The following MGAT4C variants were observed in gnomAD, a reference collection of about 807,000 sequenced individuals.
MGAT4C encodes the protein MGAT4 family member C.
A neutral mutation model predicts 40.1 loss-of-function variants in MGAT4C; 19 were observed. That is an observed-to-expected ratio of 0.47 (90% CI 0.33 to 0.70). The LOEUF (loss-of-function observed/expected upper bound fraction) is 0.70. MGAT4C is among the 30% of genes least tolerant of loss of function. MGAT4C has a pLI of 0.02. For synonymous variants in MGAT4C, 181 were observed against 187.1 expected, an observed-to-expected ratio of 0.97 and a Z score of 0.27; for missense variants, 491 against 563.2, an observed-to-expected ratio of 0.87 and a Z score of 1.30.
intron 1 of MGAT4C, among the ~76,000 whole-genome samples, chr12:86,781,130 A>G (rs1951833324): frequency 1.3e-5 from 2 of 151,952 alleles, no homozygotes; most frequent in African/African-American, 2.4e-5. Flanking sequence ...CAAGCACAAG[A>G]TTTTTTTTAT....
At chr12:86,150,898 C>T (rs1238099853) in intron 1 of MGAT4C, among the ~76,000 whole-genome samples, 2 of 152,186 alleles carry the variant, frequency 1.3e-5, no homozygotes, top group African/African-American at 2.4e-5. Context: ...TGTAACAATG[C>T]ATGATAAGTG....
intron 2 of MGAT4C, among the ~76,000 whole-genome samples, chr12:86,510,346 A>G (rs1565815412): frequency 6.6e-6 from 1 of 152,138 alleles, no homozygotes; most frequent in Non-Finnish European, 1.5e-5. Context: ...GGAAGCACTA[A>G]ACATGGAAAG....
intron 1 of MGAT4C, among the ~76,000 whole-genome samples, chr12:86,187,829 A>T (rs1229102642): frequency 6.6e-6 from 1 of 151,926 alleles, no homozygotes; most frequent in Non-Finnish European, 1.5e-5. Flanking sequence ...GGTGCGCTTC[A>T]CTAAAAATAT....
At chr12:86,824,109 C>T (rs1952756665) in intron 1 of MGAT4C, among the ~76,000 whole-genome samples, 1 of 151,394 alleles carries the variant, frequency 6.6e-6, no homozygotes, top group Admixed American at 6.6e-5. Flanking sequence ...GTACCTATGC[C>T]TACCTGCCCA....
chr12:86,028,354 G>A (rs1407230164), intron 2 of MGAT4C: 2 of 353,666 alleles, frequency 5.7e-6, no homozygotes, highest in African/African-American at 2.1e-5. Context: ...GGCAAGTGAT[G>A]CTGTCACTAT....
At chr12:86,314,185 A>G (rs1378437159) in intron 4 of MGAT4C, among the ~76,000 whole-genome samples, 2 of 152,184 alleles carry the variant, frequency 1.3e-5, no homozygotes, top group African/African-American at 4.8e-5. Context: ...AAAGCTTAGC[A>G]CAATGTAATG....
chr12:86,005,136 T>G (rs1457338531), intron 2 of MGAT4C, among the ~76,000 whole-genome samples: 1 of 152,150 alleles, frequency 6.6e-6, no homozygotes, highest in East Asian at 1.9e-4. Flanking sequence ...CTGCCTTGTG[T>G]CTCCTTGCCA....
intron 1 of MGAT4C, among the ~76,000 whole-genome samples, chr12:86,776,104 A>C (rs572426004): frequency 6.6e-6 from 1 of 152,116 alleles, no homozygotes; most frequent in Non-Finnish European, 1.5e-5. Flanking sequence ...AATAGAATAA[A>C]ATCTATAGAG....
chr12:86,811,425 C>T (rs1367280273), intron 1 of MGAT4C, among the ~76,000 whole-genome samples: 1 of 147,600 alleles, frequency 6.8e-6, no homozygotes, highest in Admixed American at 6.8e-5. Context: ...TCACTTCAAT[C>T]TCCACCTCCT....
chr12:86,574,618 C>G (rs1960491039), intron 2 of MGAT4C, among the ~76,000 whole-genome samples: 1 of 151,612 alleles, frequency 6.6e-6, no homozygotes, highest in Non-Finnish European at 1.5e-5. Flanking sequence ...ATTTAATAAT[C>G]TAGTTATTTG....
intron 1 of MGAT4C, among the ~76,000 whole-genome samples, chr12:86,781,009 GTA>G (rs200303086): frequency 1.3e-5 from 1 of 76,344 alleles, no homozygotes; most frequent in Non-Finnish European, 3.4e-5. Context: ...TTATGGCTGA[GTA>G]TTGTGTGTGT....
chr12:86,585,502 T>TAA (rs1960979324), intron 2 of MGAT4C, among the ~76,000 whole-genome samples: 1 of 151,388 alleles, frequency 6.6e-6, no homozygotes, highest in South Asian at 2.1e-4. Context: ...TGCCTAAAGG[T>TAA]AAAATGCTAT....
At chr12:86,222,970 G>A (rs1468272451) in intron 1 of MGAT4C, among the ~76,000 whole-genome samples, 1 of 152,090 alleles carries the variant, frequency 6.6e-6, no homozygotes, top group African/African-American at 2.4e-5. Flanking sequence ...AGAACTCCTC[G>A]ACTTCTGTGG....
intron 2 of MGAT4C, among the ~76,000 whole-genome samples, chr12:86,509,295 C>T (rs1958529806): frequency 6.6e-6 from 1 of 152,146 alleles, no homozygotes; most frequent in Non-Finnish European, 1.5e-5. Context: ...CCAGTTTTCC[C>T]AGCACCATTT....
chr12:86,224,444 C>A (rs1221675932), intron 1 of MGAT4C, among the ~76,000 whole-genome samples: 1 of 152,042 alleles, frequency 6.6e-6, no homozygotes, highest in Non-Finnish European at 1.5e-5. Flanking sequence ...AGGCTCTAGA[C>A]CAAATGGATG....
At chr12:86,815,218 A>G (rs1449627899) in intron 1 of MGAT4C, among the ~76,000 whole-genome samples, 1 of 152,098 alleles carries the variant, frequency 6.6e-6, no homozygotes, top group African/African-American at 2.4e-5. Flanking sequence ...AAGAAGATAT[A>G]CAAATTGCCA....
At chr12:86,634,383 G>T (rs1245671672) in intron 2 of MGAT4C, among the ~76,000 whole-genome samples, 7 of 152,062 alleles carry the variant, frequency 4.6e-5, no homozygotes, top group Admixed American at 1.3e-4. Context: ...TTGTTTTAAG[G>T]TGTGTTGATT....
At chr12:86,248,194 TCTTCCTTCCTTCCTTCCTTC>T (rs71076174) in intron 1 of MGAT4C, among the ~76,000 whole-genome samples, 2,037 of 140,412 alleles carry the variant, frequency 0.015, 27 homozygotes, top group African/African-American at 0.035. Context: ...ACCTAGTTTC[TCTTCCTTCCTTCCTTCCTTC>T]CTTCCTTCCT....
chr12:86,693,542 C>T (rs1036703996), intron 2 of MGAT4C, among the ~76,000 whole-genome samples: 1 of 151,898 alleles, frequency 6.6e-6, no homozygotes, highest in South Asian at 2.1e-4. Context: ...TAGCTTTGGG[C>T]TCCTAAGTTA....
Sources: gnomAD v4.1 joint callset for allele counts (sites outside exome capture counted in the v4.1 genomes callset) on GRCh38, gnomAD v4.1.1 for gene constraint, MANE v1.5 for transcripts, NCBI Gene and HGNC (gene_info 2026-07-23, HGNC 2026-07-21) for gene names.